The following NFAT5 variants were observed in gnomAD, a reference collection of about 807,000 sequenced individuals.
NFAT5 encodes the protein nuclear factor of activated T-cells 5.
A neutral mutation model predicts 166.5 loss-of-function variants in NFAT5; 31 were observed. That is an observed-to-expected ratio of 0.19 (90% CI 0.14 to 0.25). The LOEUF is 0.25. Ranked by LOEUF, NFAT5 falls within the 10% of genes least tolerant of loss-of-function variation. NFAT5 has a pLI of 1.00. For missense variants in NFAT5, 1,449 were observed against 1,821.8 expected (o/e 0.80, Z 3.72); for synonymous variants, 612 against 639.7 (o/e 0.96, Z 0.65).
chr16:69,660,790 C>G (rs2036089773), intron 7 of NFAT5, among the ~76,000 whole-genome samples: 1 of 138,822 alleles, frequency 7.2e-6, no homozygotes. Flanking sequence ...AAAAATTTTC[C>G]TTTTCACGTC....
At chr16:69,643,455 T>C (rs1023206638) in intron 3 of NFAT5, among the ~76,000 whole-genome samples, 6 of 151,034 alleles carry the variant, frequency 4.0e-5, no homozygotes, top group Non-Finnish European at 8.9e-5. Context: ...AGGATTTTTT[T>C]CATGGTAAAT....
intron 2 of NFAT5, among the ~76,000 whole-genome samples, chr16:69,580,307 C>T (rs866522729): frequency 1.3e-5 from 2 of 152,132 alleles, no homozygotes; most frequent in Admixed American, 1.3e-4. Context: ...GTGGGTGGAT[C>T]ACCTGAGGTC....
intron 2 of NFAT5, among the ~76,000 whole-genome samples, chr16:69,580,202 T>A (rs2031577795): frequency 6.6e-6 from 1 of 152,000 alleles, no homozygotes; most frequent in South Asian, 2.1e-4. Flanking sequence ...TAATTACTTT[T>A]AATATGTAAT....
chr16:69,672,979 T>C (rs1266564089), intron 9 of NFAT5, among the ~76,000 whole-genome samples: 1 of 152,158 alleles, frequency 6.6e-6, no homozygotes, highest in Non-Finnish European at 1.5e-5. Flanking sequence ...TATAGAACTT[T>C]ATATTCATAA....
At chr16:69,631,786 C>T (rs886736309) in intron 3 of NFAT5, among the ~76,000 whole-genome samples, 31 of 151,992 alleles carry the variant, frequency 2.0e-4, no homozygotes, top group Admixed American at 7.9e-4. Context: ...CCACCACACC[C>T]GGCTAACTTC....
intron 3 of NFAT5, among the ~76,000 whole-genome samples, chr16:69,641,753 A>T (rs2035224904): frequency 6.6e-6 from 1 of 152,206 alleles, no homozygotes; most frequent in Admixed American, 6.5e-5. Context: ...ATACAGTTTA[A>T]GCAAGGAGTA....
At position 69,624,916 on chromosome 16, in the gene NFAT5, A is replaced by G. The variant is rs576246035; in HGVS notation, c.128-1487A>G. On this transcript the variant is annotated intron_variant, in intron 2 of 14. Coordinates refer to ENST00000349945, the MANE Select transcript of NFAT5 (RefSeq NM_138713.4). ...TGTTCTTTTTTTTAAAAAAAAAAAA[A>G]AAGAAGGAGTTTCGCTCTTGTTGCC... is the stretch of plus-strand genomic sequence containing the variant. Among the ~76,000 whole-genome samples, 14 of 151,344 alleles carry G rather than the reference A, an allele frequency of 9.3e-5. No individual in the cohort carries two copies. The South Asian group carries it at 2.6e-3, about 28-fold the overall frequency.
At chr16:69,616,830 C>T (rs1198883808) in intron 2 of NFAT5, among the ~76,000 whole-genome samples, 1 of 152,060 alleles carries the variant, frequency 6.6e-6, no homozygotes, top group African/African-American at 2.4e-5. Context: ...GAAATCCCTT[C>T]CCAGGCCTCC....
Position 69,632,456 on chromosome 16 carries a change from A to G in NFAT5, c.253+5928A>G, listed in dbSNP as rs189604447. ...GAAACGCAAGATCCTTAACTAGGCA[A>G]TGTATAGAATATTGAGTTGAAAAGC... On this transcript the variant is annotated intron_variant, in intron 3 of 14. Coordinates refer to ENST00000349945, the MANE Select transcript of NFAT5 (RefSeq NM_138713.4). The G allele has an allele frequency of 2.6e-5, 4 of 152,272 alleles. No individual in the cohort carries two copies. The East Asian group carries it at 7.7e-4, about 29-fold the overall frequency. 9.4% of individuals were successfully genotyped at this position (152,272 alleles called of 1,614,324 possible).
intron 10 of NFAT5, among the ~76,000 whole-genome samples, chr16:69,680,770 G>GT (rs2037025882): frequency 2.0e-5 from 3 of 151,596 alleles, no homozygotes; most frequent in Admixed American, 6.6e-5. Flanking sequence ...ATTTTGTTTT[G>GT]TTTTTTTGAG....
chr16:69,625,119 C>T (rs1056418478), intron 2 of NFAT5, among the ~76,000 whole-genome samples: 8 of 152,052 alleles, frequency 5.3e-5, no homozygotes, highest in Admixed American at 2.0e-4. Context: ...CCAGGCTGGT[C>T]TCGAACTCCT....
chr16:69,637,726 T>C (rs1048358467), intron 3 of NFAT5, among the ~76,000 whole-genome samples: 7 of 152,170 alleles, frequency 4.6e-5, no homozygotes, highest in African/African-American at 1.7e-4. Context: ...GGAGATAAAA[T>C]TCAAGTTGAG....
intron 11 of NFAT5, among the ~76,000 whole-genome samples, chr16:69,689,367 T>C (rs1195821651): frequency 6.6e-6 from 1 of 152,204 alleles, no homozygotes; most frequent in African/African-American, 2.4e-5. Context: ...CATGAATAAA[T>C]GATTCATTTC....
At chr16:69,603,201 T>C (rs1001887816) in intron 2 of NFAT5, among the ~76,000 whole-genome samples, 6 of 152,192 alleles carry the variant, frequency 3.9e-5, no homozygotes, top group Non-Finnish European at 7.3e-5. Flanking sequence ...TCTTACACTT[T>C]TAAAAAATTT....
At chr16:69,661,539 TAA>T (rs1037382239) in intron 7 of NFAT5, among the ~76,000 whole-genome samples, 443 of 37,890 alleles carry the variant, frequency 0.012, 5 homozygotes, top group African/African-American at 0.053. Context: ...CCCAGTCTCT[TAA>T]AAAAAAAAAA....
rs189306076 is a variant in NFAT5, at chr16:69,618,943, T to C, written c.128-7460T>C. On this transcript the variant is annotated intron_variant, in intron 2 of 14. Coordinates refer to ENST00000349945, the MANE Select transcript of NFAT5 (RefSeq NM_138713.4). ...GGAACATTCTTTTTTACCACAGATA[T>C]TTATTTCTCTTTAGCTGCTTACTTG... 3.7e-3 allele frequency among the ~76,000 whole-genome samples: 570 copies of C among 152,318 alleles called. 3 individuals are homozygous for C. The highest frequency in any genetic ancestry group is 0.012 in the African/African-American group (516 of 41,572).
intron 2 of NFAT5, among the ~76,000 whole-genome samples, chr16:69,603,465 T>G (rs949237637): frequency 6.6e-6 from 1 of 152,124 alleles, no homozygotes; most frequent in Non-Finnish European, 1.5e-5. Context: ...GGAGTTAAAA[T>G]AGAACATATC....
At chr16:69,660,229 T>C (rs2036063201) in intron 7 of NFAT5, among the ~76,000 whole-genome samples, 2 of 152,190 alleles carry the variant, frequency 1.3e-5, no homozygotes, top group African/African-American at 4.8e-5. Context: ...AAGACCAGCC[T>C]GGGCAATGTA....
chr16:69,648,231 C>T, intron 4 of NFAT5: 1 of 984,724 alleles, frequency 1.0e-6, no homozygotes, highest in African/African-American at 1.7e-5. Flanking sequence ...GTAATGACTC[C>T]ATCCAAAACA....
Sources: allele counts gnomAD v4.1 joint callset (sites outside exome capture counted in the v4.1 genomes callset), GRCh38; gene constraint gnomAD v4.1.1; transcripts MANE v1.5; gene names NCBI Gene and HGNC (gene_info 2026-07-23, HGNC 2026-07-21).